The following PLD5 variants were observed in gnomAD, a reference collection of about 807,000 sequenced individuals.
The protein encoded by PLD5 is phospholipase D family member 5.
PLD5 carries 36 observed loss-of-function variants against 61.1 expected under a neutral mutation model. That is an observed-to-expected ratio of 0.59 (90% CI 0.45 to 0.78). PLD5 has a LOEUF of 0.78. Ranked by LOEUF, PLD5 falls within the 30% of genes least tolerant of loss-of-function variation. PLD5 has a pLI of 0.00. For synonymous variants in PLD5, 243 were observed against 242.8 expected, an observed-to-expected ratio of 1.00 and a Z score of -0.01; for missense variants, 515 against 644.4, an observed-to-expected ratio of 0.80 and a Z score of 2.17.
chr1:242,136,929 C>T (rs1574371143), intron 5 of PLD5, among the ~76,000 whole-genome samples: 1 of 152,192 alleles, frequency 6.6e-6, no homozygotes, highest in East Asian at 1.9e-4. Flanking sequence ...CTATAAAATA[C>T]AGAACATTTC....
intron 1 of PLD5, among the ~76,000 whole-genome samples, chr1:242,437,764 A>C (rs1285770370): frequency 5.9e-5 from 9 of 152,220 alleles, no homozygotes; most frequent in Non-Finnish European, 1.3e-4. Flanking sequence ...TAAGTGTTTC[A>C]TAAATATTAA....
intron 1 of PLD5, among the ~76,000 whole-genome samples, chr1:242,411,139 T>G (rs1664526645): frequency 6.6e-6 from 1 of 152,224 alleles, no homozygotes; most frequent in African/African-American, 2.4e-5. Context: ...GAAGGACCCC[T>G]TGAGGGTCAC....
intron 2 of PLD5, among the ~76,000 whole-genome samples, chr1:242,310,879 T>A (rs948980613): frequency 2.0e-5 from 3 of 152,166 alleles, no homozygotes; most frequent in African/African-American, 7.2e-5. Context: ...GAGTCTGGTT[T>A]TAACTCAGGC....
At chr1:242,206,920 C>T (rs1669351625) in intron 5 of PLD5, among the ~76,000 whole-genome samples, 1 of 152,180 alleles carries the variant, frequency 6.6e-6, no homozygotes, top group African/African-American at 2.4e-5. Flanking sequence ...GGAATTGGCA[C>T]ATATGATTGT....
Position 242,453,067 on chromosome 1 carries a change from T to A in PLD5, c.189+71021A>T, listed in dbSNP as rs373479452. ...CAGAATGTTTGTGGCCCCCTCCACATTCGTATGTTGAAACCTAATCCCCAG... is the reference window on the plus strand; with the variant it reads ...CAGAATGTTTGTGGCCCCCTCCACAATCGTATGTTGAAACCTAATCCCCAG... On this transcript the variant is annotated intron_variant, in intron 1 of 9. Coordinates refer to ENST00000536534, the MANE Select transcript of PLD5 (RefSeq NM_001372062.1). Among the ~76,000 whole-genome samples the A allele has an allele frequency of 2.0e-5, 3 of 152,344 alleles. No homozygotes were observed. In the East Asian group the frequency reaches 5.8e-4, roughly 29 times the overall value.
At chr1:242,197,807 G>T (rs1265558815) in intron 5 of PLD5, among the ~76,000 whole-genome samples, 1 of 151,890 alleles carries the variant, frequency 6.6e-6, no homozygotes, top group Non-Finnish European at 1.5e-5. Flanking sequence ...GCTAATTTTT[G>T]TATTTTTGCA....
rs1673005409 is a variant in PLD5 at position 242,256,229 on chromosome 1, T to C, written c.607+9108A>G. 1.3e-5 allele frequency among the ~76,000 whole-genome samples: 2 copies of C among 151,890 alleles called. No individual in the cohort carries two copies. The highest frequency in any genetic ancestry group is 3.9e-4 in the East Asian group (2 of 5,180). On this transcript the variant is annotated intron_variant, in intron 4 of 9. Coordinates refer to ENST00000536534, the MANE Select transcript of PLD5 (RefSeq NM_001372062.1). The surrounding 1 kb of genome is among the most constrained non-coding windows in gnomAD (Gnocchi z 5.7). Reference sequence around the variant, plus strand: ...TGAGCACTGTCACTGTGACCAAGAGTTCACCCCAAGAGCATGCTTTGTATT... The same window carrying C: ...TGAGCACTGTCACTGTGACCAAGAGCTCACCCCAAGAGCATGCTTTGTATT...
At chr1:242,384,281 C>G (rs952019894) in intron 1 of PLD5, among the ~76,000 whole-genome samples, 1 of 152,176 alleles carries the variant, frequency 6.6e-6, no homozygotes, top group Non-Finnish European at 1.5e-5. Context: ...GTGAAAGAAA[C>G]TACAGGTGGC....
intron 2 of PLD5, among the ~76,000 whole-genome samples, chr1:242,333,451 C>T (rs3856233): frequency 0.89 from 134,757 of 152,132 alleles, 59,857 homozygotes; most frequent in East Asian, 0.95. Flanking sequence ...TTCTGGGCAA[C>T]GCCTCTGGTG....
Position 242,220,149 on chromosome 1 carries a change from C to T in PLD5, c.608-34G>A, listed in dbSNP as rs746457397. ...TCAAGGACAGTCTGGTCAGCCTCTG[C>T]GTCAAGGCCCTGCCTGGGCTGTCAG... On this transcript the variant is annotated intron_variant, in intron 4 of 9. Transcript: ENST00000536534. 4.4e-5 allele frequency: 70 copies of T among 1,608,200 alleles called. No homozygotes were observed. The Admixed American group carries it at 4.5e-4, about 10-fold the overall frequency.
At chr1:242,433,473 C>T (rs1302839769) in intron 1 of PLD5, among the ~76,000 whole-genome samples, 2 of 152,086 alleles carry the variant, frequency 1.3e-5, no homozygotes, top group South Asian at 2.1e-4. Context: ...CATATTGTTT[C>T]GCACCTTATT....
intron 1 of PLD5, among the ~76,000 whole-genome samples, chr1:242,457,155 G>C (rs563795915): frequency 1.3e-5 from 2 of 152,266 alleles, no homozygotes; most frequent in East Asian, 3.9e-4. Context: ...ACTCGAAACA[G>C]ACAATGGTCC....
chr1:242,355,276 C>T (rs3906781), intron 1 of PLD5, among the ~76,000 whole-genome samples: 144,144 of 152,210 alleles, frequency 0.95, 68,729 homozygotes, highest in Non-Finnish European at 1. Flanking sequence ...AGAGACTTTT[C>T]ATTACTGGTT....
chr1:242,275,058 T>C lies in PLD5; in HGVS notation c.496-9610A>G, dbSNP rs188335248. Among the ~76,000 whole-genome samples, 10 of 151,814 alleles carry C rather than the reference T, an allele frequency of 6.6e-5. No individual in the cohort carries two copies. In the South Asian group the frequency reaches 1.0e-3, roughly 16 times the overall value. ...TACCATTATCCTACTTACACACATATATATATGTGTGTGTATACGTGCATA... is the reference window on the plus strand; with the variant it reads ...TACCATTATCCTACTTACACACATACATATATGTGTGTGTATACGTGCATA... On this transcript the variant is annotated intron_variant, in intron 3 of 9. Transcript: ENST00000536534.
intron 7 of PLD5, among the ~76,000 whole-genome samples, chr1:242,112,339 G>GATAGATAGA (rs1558233108): frequency 9.5e-4 from 136 of 143,418 alleles, no homozygotes; most frequent in African/African-American, 3.4e-3. Context: ...ATGTATATGT[G>GATAGATAGA]TATATATATA....
In PLD5 at chr1:242,524,293, G is replaced by T; in HGVS notation, c.-17C>A. The T allele has an allele frequency of 7.2e-7, 1 of 1,385,302 alleles. No homozygotes were observed. The highest frequency in any genetic ancestry group is 9.3e-7 in the Non-Finnish European group (1 of 1,075,936). 85.8% of individuals were successfully genotyped at this position (1,385,302 alleles called of 1,614,324 possible). On this transcript the variant is annotated 5_prime_UTR_variant, in exon 1 of 10. Transcript: ENST00000536534. ...GATCTCCATCCTGACATGACCGGGC[G>T]GCCGCCGGCGAGCAGCGGACTCGGG...
chr1:242,523,587 ACT>A (rs1449287322), intron 1 of PLD5, among the ~76,000 whole-genome samples: 2 of 152,194 alleles, frequency 1.3e-5, no homozygotes, highest in Non-Finnish European at 2.9e-5. Context: ...CCCAGCGGAC[ACT>A]CTGCAAAAAA....
intron 5 of PLD5, among the ~76,000 whole-genome samples, chr1:242,171,583 A>T (rs549461865): frequency 1.5e-4 from 23 of 152,314 alleles, no homozygotes; most frequent in Admixed American, 1.4e-3. Flanking sequence ...CCCAATTAAA[A>T]GATACAGACT....
intron 1 of PLD5, among the ~76,000 whole-genome samples, chr1:242,433,532 T>G (rs565880910): frequency 6.6e-6 from 1 of 152,332 alleles, no homozygotes; most frequent in African/African-American, 2.4e-5. Flanking sequence ...ATTCATCTAT[T>G]TATTCATTCA....
Sources: allele counts gnomAD v4.1 joint callset (sites outside exome capture counted in the v4.1 genomes callset), GRCh38; gene constraint gnomAD v4.1.1; non-coding constraint Gnocchi (gnomAD v3.1); transcripts MANE v1.5; gene names NCBI Gene and HGNC (gene_info 2026-07-23, HGNC 2026-07-21).